The following AGBL1 variants were observed in gnomAD, a reference collection of about 807,000 sequenced individuals.
AGBL1 encodes the protein cytosolic carboxypeptidase 4.
Under a neutral mutation model 118.9 loss-of-function variants are expected in AGBL1, and 130 were observed. The ratio of observed to expected loss-of-function variants is 1.09; its 90% confidence interval spans 0.95 to 1.26. The LOEUF (loss-of-function observed/expected upper bound fraction) is 1.26. AGBL1 is among the 50% of genes most tolerant of loss of function. The pLI, the probability that AGBL1 is intolerant of heterozygous loss-of-function variation, is 0.00. For synonymous variants in AGBL1, 555 were observed against 478.9 expected (o/e 1.16, Z -2.08); for missense variants, 1,584 against 1,298.1 (o/e 1.22, Z -3.38).
chr15:86,682,946 T>A (rs1481836659), intron 22 of AGBL1, among the ~76,000 whole-genome samples: 1 of 152,192 alleles, frequency 6.6e-6, no homozygotes, highest in African/African-American at 2.4e-5. Flanking sequence ...TAGAGGCTAA[T>A]AAGTTTGCCA....
chr15:86,967,571 A>G (rs1223472997), intron 23 of AGBL1, among the ~76,000 whole-genome samples: 5 of 152,142 alleles, frequency 3.3e-5, no homozygotes, highest in Non-Finnish European at 7.4e-5. Flanking sequence ...AGCACCATTT[A>G]TTAAATAGGG....
intron 18 of AGBL1, among the ~76,000 whole-genome samples, chr15:86,522,218 G>T (rs2083198369): frequency 6.6e-6 from 1 of 152,114 alleles, no homozygotes; most frequent in Admixed American, 6.6e-5. Flanking sequence ...GTTGAAAAAG[G>T]CACTCTGATT....
intron 22 of AGBL1, among the ~76,000 whole-genome samples, chr15:86,906,354 C>T (rs773154858): frequency 1.3e-5 from 2 of 152,200 alleles, no homozygotes; most frequent in East Asian, 3.9e-4. Context: ...CCCCTTCTAT[C>T]GCTTGCTGGT....
At chr15:86,962,072 A>G (rs926627254) in intron 23 of AGBL1, among the ~76,000 whole-genome samples, 1 of 152,114 alleles carries the variant, frequency 6.6e-6, no homozygotes, top group Non-Finnish European at 1.5e-5. Context: ...TGATGTTACT[A>G]TTTTCTATTA....
chr15:86,359,354 C>T (rs2080767305), intron 17 of AGBL1, among the ~76,000 whole-genome samples: 1 of 135,002 alleles, frequency 7.4e-6, no homozygotes, highest in Admixed American at 7.3e-5. Flanking sequence ...TTTCTGGGCT[C>T]TCTGTTGTAT....
At chr15:86,551,280 A>C (rs1264389437) in intron 20 of AGBL1, among the ~76,000 whole-genome samples, 1 of 152,146 alleles carries the variant, frequency 6.6e-6, no homozygotes, top group Non-Finnish European at 1.5e-5. Flanking sequence ...CATAAAGAAC[A>C]TGCTTTTCAT....
intron 22 of AGBL1, among the ~76,000 whole-genome samples, chr15:86,846,970 C>T (rs2079328668): frequency 6.6e-6 from 1 of 151,986 alleles, no homozygotes; most frequent in African/African-American, 2.4e-5. Context: ...ACTTTTTATT[C>T]TCTGTTCTTC....
At position 87,002,062 on chromosome 15, in the gene AGBL1, G is replaced by T. The variant is rs577471019; in HGVS notation, c.3323+13974G>T. 2.2e-4 allele frequency among the ~76,000 whole-genome samples: 34 copies of T among 152,176 alleles called. 1 individual carries two copies. In the South Asian group the frequency reaches 6.6e-3, roughly 30 times the overall value. ...GCATGAAGTCCTTGCCCATGCCTAT[G>T]TCCTCAATGGTATTGCCTAGGTTTT... On this transcript the variant is annotated intron_variant, in intron 24 of 24. Coordinates refer to the AGBL1 transcript ENST00000441037.
chr15:86,954,755 C>T (rs1482485768), intron 23 of AGBL1, among the ~76,000 whole-genome samples: 4 of 152,160 alleles, frequency 2.6e-5, no homozygotes, highest in African/African-American at 9.7e-5. Flanking sequence ...TCATGCAATA[C>T]ACCCATGTAA....
intron 22 of AGBL1, among the ~76,000 whole-genome samples, chr15:86,862,650 G>A (rs773934220): frequency 6.6e-5 from 10 of 152,172 alleles, no homozygotes; most frequent in East Asian, 3.8e-4. Flanking sequence ...GACCTGGGAG[G>A]CAAAGGTCAC....
chr15:86,503,152 T>G (rs1459763682), intron 18 of AGBL1, among the ~76,000 whole-genome samples: 2 of 151,480 alleles, frequency 1.3e-5, no homozygotes. Flanking sequence ...TAATATTTTC[T>G]ATTTCTTCTT....
rs1432555527 is a variant in AGBL1, at chr15:86,639,775, AGTTCTCCTTAGCAGGCAAGGAAG to A, written c.2995-34496_2995-34474del. Among the ~76,000 whole-genome samples the A allele has an allele frequency of 3.3e-5, 5 of 152,182 alleles. No individual in the cohort carries two copies. In the East Asian group the frequency reaches 7.7e-4, roughly 23 times the overall value. Reference sequence around the variant, plus strand: ...AGCAATGACCTGAGCAGGAAAAGCAAGTTCTCCTTAGCAGGCAAGGAAGGAGGAAAGCCGGGAAACCCATGTAT... The same window carrying A: ...AGCAATGACCTGAGCAGGAAAAGCAAGAGGAAAGCCGGGAAACCCATGTAT... On this transcript the variant is annotated intron_variant, in intron 21 of 22. Transcript: ENST00000614907.
At chr15:86,409,156 C>G (rs2081576669) in intron 18 of AGBL1, among the ~76,000 whole-genome samples, 1 of 152,134 alleles carries the variant, frequency 6.6e-6, no homozygotes. Context: ...CGCAATGCGT[C>G]TTCAGACAAG....
intron 18 of AGBL1, among the ~76,000 whole-genome samples, chr15:86,516,832 G>A (rs993203892): frequency 4.6e-5 from 7 of 151,228 alleles, no homozygotes; most frequent in African/African-American, 7.3e-5. Context: ...AACTGATCAC[G>A]TGTTCTTGAT....
At chr15:86,942,876 A>C (rs757189175) in intron 23 of AGBL1, among the ~76,000 whole-genome samples, 35 of 152,178 alleles carry the variant, frequency 2.3e-4, no homozygotes, top group Non-Finnish European at 3.8e-4. Context: ...ATAGTTGCTA[A>C]TATCTCAGTA....
At chr15:86,575,144 A>T (rs952472489) in intron 21 of AGBL1, among the ~76,000 whole-genome samples, 2 of 151,612 alleles carry the variant, frequency 1.3e-5, no homozygotes, top group African/African-American at 4.8e-5. Context: ...AGCCAAGATC[A>T]CACCACTGCA....
chr15:86,329,611 C>T (rs1190286540), intron 17 of AGBL1, among the ~76,000 whole-genome samples: 1 of 152,010 alleles, frequency 6.6e-6, no homozygotes, highest in East Asian at 1.9e-4. Context: ...CCTGAGCCGC[C>T]TCACTATTCC....
chr15:86,928,671 T>C (rs573623533), intron 23 of AGBL1, among the ~76,000 whole-genome samples: 2 of 152,278 alleles, frequency 1.3e-5, no homozygotes, highest in East Asian at 3.9e-4. Context: ...ATGAATTATA[T>C]CCTTTTGGTC....
intron 22 of AGBL1, among the ~76,000 whole-genome samples, chr15:86,873,376 A>G (rs111701379): frequency 1.1e-4 from 16 of 152,354 alleles, no homozygotes; most frequent in African/African-American, 3.6e-4. Flanking sequence ...AATGAGAATA[A>G]AAATTTTAAG....
Sources: gnomAD v4.1 joint callset for allele counts (sites outside exome capture counted in the v4.1 genomes callset) on GRCh38, gnomAD v4.1.1 for gene constraint, MANE v1.5 for transcripts, NCBI Gene and HGNC (gene_info 2026-07-23, HGNC 2026-07-21) for gene names.